The following ARRDC2 variants were observed in gnomAD, a reference collection of about 807,000 sequenced individuals.
ARRDC2 encodes the protein arrestin domain-containing protein 2.
A neutral mutation model predicts 38.9 loss-of-function variants in ARRDC2; 39 were observed. The observed-to-expected ratio is 1.00, with a 90% confidence interval of 0.78 to 1.31. The LOEUF (loss-of-function observed/expected upper bound fraction) is 1.31, where lower values mean the gene tolerates loss of function less well. Among genes scored for constraint, ARRDC2 ranks in the 50% most tolerant of loss-of-function variants. The pLI is 0.00. For missense variants in ARRDC2, 553 were observed against 588.4 expected (o/e 0.94, Z 0.62); for synonymous variants, 300 against 261.9 (o/e 1.15, Z -1.41).
At chr19:18,004,662 C>T (rs1432606590), upstream of ARRDC2, among the ~76,000 whole-genome samples, 1 of 151,000 alleles carries the variant, frequency 6.6e-6, no homozygotes, top group Non-Finnish European at 1.5e-5. Flanking sequence ...GCACTACAGC[C>T]TGGGTGTCAG....
chr19:18,008,868 C>G lies in ARRDC2; in HGVS notation c.341+91C>G, dbSNP rs1350452436. On this transcript the variant is annotated intron_variant, in intron 2 of 7. Transcript: ENST00000222250. ...CTGGATATCTGGGCACCTCTGAGCC[C>G]CAAGACTCTCCCCCTGGGAGGCCCC... 1.9e-6 allele frequency: 3 copies of G among 1,595,534 alleles called. No homozygotes were observed. In the African/African-American group the frequency reaches 4.0e-5, roughly 21 times the overall value.
At chr19:18,011,620 C>T (rs1378778070) in intron 7 of ARRDC2, among the ~76,000 whole-genome samples, 1 of 151,882 alleles carries the variant, frequency 6.6e-6, no homozygotes, top group Non-Finnish European at 1.5e-5. Context: ...AATCCCAGCA[C>T]TTTGAGAGGC....
In ARRDC2 at chr19:18,010,218, C is replaced by T. The variant is rs1322624401; in HGVS notation, c.872C>T (p.Thr291Met). 3.7e-6 allele frequency: 6 copies of T among 1,613,426 alleles called. No homozygotes were observed. Among genetic ancestry groups the T allele is most frequent in the East Asian group, 2.2e-5 (1 of 44,890 alleles). The change falls in exon 6 of 8, where the codon ACG (threonine) becomes ATG (methionine). Residue 291 changes from threonine (T) to methionine (M), a missense_variant. Thr to Met is a moderately conservative substitution (Grantham distance 81). This residue lies in a region of ARRDC2 where 447 missense variants were observed against 456.6 expected (regional missense o/e 0.98). Coordinates refer to ENST00000222250, the MANE Select transcript of ARRDC2 (RefSeq NM_015683.2). ...ALKVCVDIPG[T>M]SKLLLELPLV... is the part of the protein sequence containing the mutation. The stretch of plus-strand genomic sequence containing the variant: ...CAGGTCTGTGTGGATATCCCAGGAA[C>T]GTCCAAGCTGCTGCTGGAGCTGCCA...
rs1599396844 is a variant in ARRDC2, at chr19:18,008,314, C to T, written c.4C>T (p.Leu2=). The change falls in exon 1 of 8, where the codon CTA becomes TTA. Residue 2 remains leucine (L), a synonymous_variant. Coordinates refer to ENST00000222250, the MANE Select transcript of ARRDC2 (RefSeq NM_015683.2). M[L]FDKVKAFSVQ... Reference sequence around the variant, plus strand: ...GTGGGTTCGCACCCCGGACGCGATGCTATTCGACAAGGTGAAAGCGTTCTC... The same window carrying T: ...GTGGGTTCGCACCCCGGACGCGATGTTATTCGACAAGGTGAAAGCGTTCTC... 6.3e-7 allele frequency: 1 copy of T among 1,595,574 alleles called. No homozygotes were observed. Among genetic ancestry groups the T allele is most frequent in the Non-Finnish European group, 8.5e-7 (1 of 1,178,526 alleles).
In ARRDC2 at chr19:18,009,879, G is replaced by A. The variant is rs146799670; in HGVS notation, c.689G>A (p.Arg230Gln). ...GTGCAGACACAGACGTTCATGGCCCGAGGCGCCCGAAAGCAGAAACGGGCA... is the reference window on the plus strand; with the variant it reads ...GTGCAGACACAGACGTTCATGGCCCAAGGCGCCCGAAAGCAGAAACGGGCA... Reference protein sequence around the residue: ...AVVQTQTFMARGARKQKRAVV... With the variant: ...AVVQTQTFMAQGARKQKRAVV... The change falls in exon 5 of 8, where the codon CGA becomes CAA. Residue 230 changes from arginine to glutamine, a missense_variant. Transcript: ENST00000222250. 147 of 1,611,008 alleles carry A rather than the reference G, an allele frequency of 9.1e-5. No homozygotes were observed. Among genetic ancestry groups the A allele is most frequent in the Admixed American group, 6.3e-4 (38 of 59,970 alleles).
chr19:18,003,429 GCTAA>G (rs140393763), upstream of ARRDC2, among the ~76,000 whole-genome samples: 5,968 of 149,444 alleles, frequency 0.04, 383 homozygotes, highest in African/African-American at 0.14. Context: ...ACCACACCCG[GCTAA>G]CTTTTTGTTT....
At chr19:18,005,448 C>CT (rs1178815474), upstream of ARRDC2, among the ~76,000 whole-genome samples, 7 of 152,236 alleles carry the variant, frequency 4.6e-5, no homozygotes, top group South Asian at 4.1e-4. Flanking sequence ...CCTTTCCCCC[C>CT]TTTCTATTCC....
chr19:18,012,258 C>T (rs1568468966), intron 7 of ARRDC2, among the ~76,000 whole-genome samples: 1 of 151,468 alleles, frequency 6.6e-6, no homozygotes, highest in African/African-American at 2.4e-5. Context: ...CACACCTGGC[C>T]ATAAAGTATT....
intron 4 of ARRDC2, 30 bp downstream of exon 4, chr19:18,009,724 GGGGGCTGGTGTT>G: frequency 6.2e-7 from 1 of 1,612,528 alleles, no homozygotes; most frequent in Non-Finnish European, 8.5e-7. Flanking sequence ...GGGTTGGGAC[GGGGGCTGGTGTT>G]GGGGTTGCAG....
At chr19:18,005,955 C>A (rs1225237362), upstream of ARRDC2, among the ~76,000 whole-genome samples, 1 of 150,622 alleles carries the variant, frequency 6.6e-6, no homozygotes, top group Non-Finnish European at 1.5e-5. Flanking sequence ...GACGGGGTCG[C>A]GGCCGGGCCG....
Position 18,009,901 on chromosome 19 carries a change from G to A in ARRDC2, c.711G>A (p.Arg237=). 1 of 1,609,500 alleles carries A rather than the reference G, an allele frequency of 6.2e-7. No individual in the cohort carries two copies. Among genetic ancestry groups the A allele is most frequent in the Non-Finnish European group, 8.5e-7 (1 of 1,179,518 alleles). The part of the protein sequence containing the change: ...FMARGARKQK[R]AVVASLAGEP... ...CCCGAGGCGCCCGAAAGCAGAAACG[G>A]GCAGTGGTGGCCAGCCTCGCGGGCG... is the stretch of plus-strand genomic sequence containing the variant. The change falls in exon 5 of 8, where the codon CGG becomes CGA. Residue 237 remains arginine (R), a synonymous_variant. Coordinates refer to ENST00000222250, the MANE Select transcript of ARRDC2 (RefSeq NM_015683.2).
Position 18,009,672 on chromosome 19 carries a change from C to G in ARRDC2, c.570C>G (p.Ile190Met), listed in dbSNP as rs781213240. The change falls in exon 4 of 8, where the codon ATC (isoleucine) becomes ATG (methionine). Residue 190 changes from isoleucine to methionine, a missense_variant. By Grantham distance (10) the Ile-to-Met change is conservative. This residue lies in a region of ARRDC2 where 447 missense variants were observed against 456.6 expected (regional missense o/e 0.98). Coordinates refer to ENST00000222250, the MANE Select transcript of ARRDC2 (RefSeq NM_015683.2). ...GCCTAGTCTCCCTTTCGGCCAAGAT[C>G]GACCGCAAGGGCTACACCCCAGGTA... is the stretch of plus-strand genomic sequence containing the variant. ...NRGLVSLSAKIDRKGYTPGEV... is the reference protein window; with the variant it reads ...NRGLVSLSAKMDRKGYTPGEV... 1.9e-6 allele frequency: 3 copies of G among 1,611,192 alleles called. No individual in the cohort carries two copies. The highest frequency in any genetic ancestry group is 2.5e-6 in the Non-Finnish European group (3 of 1,177,894).
chr19:18,010,547 C>T (rs781402327), intron 6 of ARRDC2, 25 bp from the exon 7 acceptor site: 40 of 1,611,914 alleles, frequency 2.5e-5, no homozygotes, highest in Non-Finnish European at 3.3e-5. Flanking sequence ...CTGCCAACCT[C>T]ACCCACCCTG....
At chr19:18,008,058 C>T, upstream of ARRDC2, 1 of 1,129,310 alleles carries the variant, frequency 8.9e-7, no homozygotes, top group Non-Finnish European at 1.2e-6. Context: ...CTGGGCAGAG[C>T]CACGCCCCTT....
upstream of ARRDC2, among the ~76,000 whole-genome samples, chr19:18,006,141 G>C (rs551956012): frequency 5.8e-4 from 87 of 151,244 alleles, no homozygotes; most frequent in African/African-American, 2.0e-3. Flanking sequence ...TCACTTTCCA[G>C]ACTGGGCAGC....
At chr19:18,012,088 G>T (rs1353386843) in intron 7 of ARRDC2, among the ~76,000 whole-genome samples, 1 of 150,146 alleles carries the variant, frequency 6.7e-6, no homozygotes, top group Non-Finnish European at 1.5e-5. Context: ...CTCCCGAGTA[G>T]CTGGGATTAC....
At position 18,009,287 on chromosome 19, in the gene ARRDC2, G is replaced by T. The variant is rs925868320; in HGVS notation, c.489+169G>T. 4 of 814,932 alleles carry T rather than the reference G, an allele frequency of 4.9e-6. No individual in the cohort carries two copies. The South Asian group carries it at 6.9e-5, about 14-fold the overall frequency. The allele number at this position is 814,932 out of a possible 1,614,324, so 50.5% of individuals were successfully genotyped here. A position where few individuals can be genotyped will look rare whatever the true frequency, so the allele number is the denominator to read the frequency against. On this transcript the variant is annotated intron_variant, in intron 3 of 7. Transcript: ENST00000222250. ...CCACTGGGATCTGCACCCATTTGCC[G>T]TGTGACTCTGGGCAAGTGTCTTGAA...
chr19:18,008,222 T>C lies in ARRDC2; in HGVS notation c.-89T>C. ...CCTGCGCGTTGACGGCGATTTTGCGTTCTGAGGCTGCAGCGTCGGCATCTT... is the reference window on the plus strand; with the variant it reads ...CCTGCGCGTTGACGGCGATTTTGCGCTCTGAGGCTGCAGCGTCGGCATCTT... On this transcript the variant is annotated 5_prime_UTR_variant, in exon 1 of 8. Transcript: ENST00000222250. The C allele has an allele frequency of 7.2e-7, 1 of 1,392,650 alleles. No individual in the cohort carries two copies. Among genetic ancestry groups the C allele is most frequent in the Non-Finnish European group, 9.4e-7 (1 of 1,063,606 alleles). The allele number at this position is 1,392,650 out of a possible 1,614,324, so 86.3% of individuals were successfully genotyped here.
chr19:18,001,649 C>T, intron 1 of ARRDC2: 1 of 1,256,212 alleles, frequency 8.0e-7, no homozygotes, highest in East Asian at 3.2e-5. Flanking sequence ...CCGGAAGCCT[C>T]TCAACTTAGA....
Sources: allele counts gnomAD v4.1 joint callset (sites outside exome capture counted in the v4.1 genomes callset), GRCh38; gene constraint gnomAD v4.1.1; regional missense constraint gnomAD v4.1.1; transcripts MANE v1.5; gene names NCBI Gene and HGNC (gene_info 2026-07-23, HGNC 2026-07-21).